Variants in MKNK1 observed in about 807,000 individuals in gnomAD.
MKNK1 encodes MAPK interacting serine/threonine kinase 1.
Under a neutral mutation model 49.3 loss-of-function variants are expected in MKNK1, and 30 were observed. That is an observed-to-expected ratio of 0.61 (90% CI 0.46 to 0.83). The LOEUF (loss-of-function observed/expected upper bound fraction) is 0.83. Ranked by LOEUF, MKNK1 falls within the 40% of genes least tolerant of loss-of-function variation. The pLI is 0.00. For missense variants in MKNK1, 423 were observed against 524.7 expected (o/e 0.81, Z 1.89); for synonymous variants, 176 against 201.7 (o/e 0.87, Z 1.08).
chr1:46,587,067 C>T (rs894529867), intron 2 of MKNK1, among the ~76,000 whole-genome samples: 6 of 152,240 alleles, frequency 3.9e-5, no homozygotes, highest in African/African-American at 1.4e-4. Flanking sequence ...GCCTTGGCCT[C>T]CCAAAGTGCT....
At chr1:46,562,577 T>A (rs1167739678) in intron 10 of MKNK1, 72 bp downstream of exon 10, 7 of 1,479,160 alleles carry the variant, frequency 4.7e-6, no homozygotes, top group Non-Finnish European at 6.3e-6. Context: ...CCCAGCCCAG[T>A]CCTGCTTGGC....
At chr1:46,576,483 A>T in intron 5 of MKNK1, 92 bp downstream of exon 5, 1 of 1,058,154 alleles carries the variant, frequency 9.5e-7, no homozygotes, top group Non-Finnish European at 1.5e-6. Flanking sequence ...AGTGAGAGCT[A>T]AATGCTGGAG....
chr1:46,568,510 AAG>A lies in MKNK1; in HGVS notation c.458-14_458-13del, dbSNP rs1436803044. On this transcript the variant is annotated splice_polypyrimidine_tract_variant and intron_variant, in intron 7 of 12. Transcript: ENST00000371945. ...ACGATGAGCAATGCCTGACATGACA[AAG>A]AGCAAAAAAATGGTTAACATATGCA... 1 of 1,613,204 alleles carries A rather than the reference AAG, an allele frequency of 6.2e-7. No homozygotes were observed. The highest frequency in any genetic ancestry group is 8.5e-7 in the Non-Finnish European group (1 of 1,179,390).
chr1:46,577,815 T>C (rs933836697), intron 4 of MKNK1, among the ~76,000 whole-genome samples: 2 of 152,238 alleles, frequency 1.3e-5, no homozygotes, highest in Non-Finnish European at 2.9e-5. Context: ...TCTGGACCCA[T>C]CTGGAGCCTC....
rs754720648 is a variant in MKNK1 at position 46,558,618 on chromosome 1, T to A, written c.1196A>T (p.Gln399Leu). The A allele has an allele frequency of 4.3e-6, 7 of 1,613,794 alleles. No homozygotes were observed. Among genetic ancestry groups the A allele is most frequent in the Non-Finnish European group, 5.9e-6 (7 of 1,179,892 alleles). The change falls in exon 13 of 13, where the codon CAG becomes CTG. Residue 399 changes from glutamine (Q) to leucine (L), a missense_variant. Gln to Leu is a moderately radical substitution (Grantham distance 113). Transcript: ENST00000371945. ...GCTCCTGTCTTCACCACGGCCTGCC[T>A]GGGCCAGGGCCCGTCTCCGGGCCAG... ...SRLARRRALA[Q>L]AGRGEDRSPP...
chr1:46,579,081 GT>G (rs1314457336), intron 4 of MKNK1, among the ~76,000 whole-genome samples: 1 of 152,130 alleles, frequency 6.6e-6, no homozygotes, highest in Non-Finnish European at 1.5e-5. Context: ...TTAGGCGTAT[GT>G]TTTAAAAATC....
chr1:46,581,441 C>T (rs767354630), intron 3 of MKNK1, among the ~76,000 whole-genome samples: 13 of 126,610 alleles, frequency 1.0e-4, no homozygotes, highest in African/African-American at 2.1e-4. Context: ...ACCCGAGAGG[C>T]GGAGGTTGTA....
rs41305866 is a variant in MKNK1, at chr1:46,575,094, T to A, written c.279-74A>T. ...ATATATTAAAGTCTACTTACAAATA[T>A]ACAATGAAAAAAATATACAACACCT... On this transcript the variant is annotated intron_variant, in intron 5 of 12. Coordinates refer to ENST00000371945, the MANE Select transcript of MKNK1 (RefSeq NM_001135553.4). 29,242 of 992,000 alleles carry A rather than the reference T, an allele frequency of 0.029. 643 individuals are homozygous for A. Among genetic ancestry groups the A allele is most frequent in the African/African-American group, 0.08 (4,903 of 60,920 alleles). The allele number at this position is 992,000 out of a possible 1,614,324, so 61.4% of individuals were successfully genotyped here. A position where few individuals can be genotyped will look rare whatever the true frequency, so the allele number is the denominator to read the frequency against.
chr1:46,563,177 A>C lies in MKNK1; in HGVS notation c.610-334T>G, dbSNP rs543241698. On this transcript the variant is annotated intron_variant, in intron 9 of 12. Coordinates refer to ENST00000371945, the MANE Select transcript of MKNK1 (RefSeq NM_001135553.4). The stretch of plus-strand genomic sequence containing the variant: ...ACAGATATTTCATGTACAGGTACTT[A>C]AATGCACCAAGAATGTGGCTCTGGA... 10 of 242,330 alleles carry C rather than the reference A, an allele frequency of 4.1e-5. No homozygotes were observed. In the East Asian group the frequency reaches 9.4e-4, roughly 23 times the overall value. 15.0% of individuals were successfully genotyped at this position (242,330 alleles called of 1,614,324 possible). A position where few individuals can be genotyped will look rare whatever the true frequency, so the allele number is the denominator to read the frequency against.
intron 9 of MKNK1, 114 bp downstream of exon 9, chr1:46,564,927 A>T: frequency 8.1e-6 from 8 of 990,938 alleles, no homozygotes; most frequent in Non-Finnish European, 1.2e-5. Flanking sequence ...TCACTCAGGC[A>T]GCAGGAAGAT....
chr1:46,593,909 T>G (rs1673702777), intron 2 of MKNK1: 2 of 452,388 alleles, frequency 4.4e-6, no homozygotes, highest in South Asian at 9.5e-5. Flanking sequence ...ATGTTTTCCT[T>G]ATGACCCTTC....
intron 2 of MKNK1, among the ~76,000 whole-genome samples, chr1:46,583,771 T>C (rs949340639): frequency 2.0e-5 from 3 of 152,012 alleles, no homozygotes; most frequent in African/African-American, 7.3e-5. Context: ...AGATGAGTCA[T>C]AGGCTCAGCA....
chr1:46,594,030 A>G, intron 2 of MKNK1, 83 bp downstream of exon 2: 1 of 1,092,740 alleles, frequency 9.2e-7, no homozygotes, highest in African/African-American at 1.6e-5. Flanking sequence ...ACGGTCTCTT[A>G]CCCGCCCTTT....
Position 46,575,039 on chromosome 1 carries a change from G to C in MKNK1, c.279-19C>G. On this transcript the variant is annotated intron_variant, in intron 5 of 12. Transcript: ENST00000371945. ...AATGTTCCTTAAATAGGGAAAATAG[G>C]AGGAGAGGGAAAAGGGGGGAAATGG... 6.5e-7 allele frequency: 1 copy of C among 1,529,170 alleles called. No individual in the cohort carries two copies. The highest frequency in any genetic ancestry group is 9.0e-7 in the Non-Finnish European group (1 of 1,105,848). 94.7% of individuals were successfully genotyped at this position (1,529,170 alleles called of 1,614,324 possible). A position where few individuals can be genotyped will look rare whatever the true frequency, so the allele number is the denominator to read the frequency against.
intron 2 of MKNK1, among the ~76,000 whole-genome samples, chr1:46,587,303 G>A (rs1470567056): frequency 6.6e-6 from 1 of 152,172 alleles, no homozygotes; most frequent in Non-Finnish European, 1.5e-5. Context: ...CACCACATGT[G>A]TCTATTAGTG....
At chr1:46,602,454 A>C (rs976501821) in intron 1 of MKNK1, among the ~76,000 whole-genome samples, 1 of 152,178 alleles carries the variant, frequency 6.6e-6, no homozygotes. Context: ...ATTTTGACTG[A>C]AGCACAGGTT....
chr1:46,571,281 C>T lies in MKNK1; in HGVS notation c.457+782G>A, dbSNP rs144437771. 587 of 198,420 alleles carry T rather than the reference C, an allele frequency of 3.0e-3. 3 individuals are homozygous for T. Among genetic ancestry groups the T allele is most frequent in the Non-Finnish European group, 5.1e-3 (481 of 93,992 alleles). 12.3% of individuals were successfully genotyped at this position (198,420 alleles called of 1,614,324 possible). On this transcript the variant is annotated intron_variant, in intron 7 of 12. Transcript: ENST00000371945. ...AGTATAAGCTGGGCACAGTGACTCA[C>T]ACCTGTAATCCCAGCACTTTGGGAG...
chr1:46,595,674 A>G (rs979544674), intron 1 of MKNK1, among the ~76,000 whole-genome samples: 1 of 152,162 alleles, frequency 6.6e-6, no homozygotes, highest in Non-Finnish European at 1.5e-5. Flanking sequence ...TCTGAAACCC[A>G]GTAAAACTGT....
At chr1:46,601,955 A>G (rs1040906866) in intron 1 of MKNK1, among the ~76,000 whole-genome samples, 2 of 152,190 alleles carry the variant, frequency 1.3e-5, no homozygotes, top group African/African-American at 4.8e-5. Flanking sequence ...CAGAAGATGG[A>G]AAGGGGAACA....
Sources: gnomAD v4.1 joint callset for allele counts (sites outside exome capture counted in the v4.1 genomes callset) on GRCh38, gnomAD v4.1.1 for gene constraint, MANE v1.5 for transcripts, NCBI Gene and HGNC (gene_info 2026-07-23, HGNC 2026-07-21) for gene names.